The following PDE4D variants were observed in gnomAD, a reference collection of about 807,000 sequenced individuals.
PDE4D encodes the protein 3',5'-cyclic-AMP phosphodiesterase 4D.
Under a neutral mutation model 87.4 loss-of-function variants are expected in PDE4D, and 24 were observed. The ratio of observed to expected loss-of-function variants is 0.27; its 90% CI spans 0.20 to 0.39. PDE4D has a LOEUF of 0.39. Among genes scored for constraint, PDE4D ranks in the 10% least tolerant of loss-of-function variants. PDE4D has a pLI of 1.00. For synonymous variants in PDE4D, 384 were observed against 383.2 expected (o/e 1.00, Z -0.02); for missense variants, 714 against 1,041.0 (o/e 0.69, Z 4.32).
At chr5:60,451,038 G>A (rs567936712) in intron 1 of PDE4D, among the ~76,000 whole-genome samples, 1 of 152,166 alleles carries the variant, frequency 6.6e-6, no homozygotes, top group African/African-American at 2.4e-5. Flanking sequence ...ATTAAAGATA[G>A]TGCTCTGCAT....
intron 1 of PDE4D, among the ~76,000 whole-genome samples, chr5:59,694,336 C>T (rs577644581): frequency 6.6e-6 from 1 of 152,228 alleles, no homozygotes; most frequent in South Asian, 2.1e-4. Flanking sequence ...GTTAGGTCAG[C>T]TTGAAGTGAA....
intron 1 of PDE4D, among the ~76,000 whole-genome samples, chr5:59,559,435 C>T (rs143396585): frequency 5.9e-5 from 9 of 152,182 alleles, no homozygotes; most frequent in African/African-American, 2.2e-4. Context: ...ATTACATGGA[C>T]TTTGTTTAAG....
intron 2 of PDE4D, among the ~76,000 whole-genome samples, chr5:59,199,347 T>C (rs1000692486): frequency 6.6e-6 from 1 of 151,614 alleles, no homozygotes; most frequent in Non-Finnish European, 1.5e-5. Flanking sequence ...CCTGTCTCAG[T>C]CTATGGGGTG....
intron 5 of PDE4D, among the ~76,000 whole-genome samples, chr5:59,090,417 G>A (rs577798465): frequency 1.3e-5 from 2 of 152,244 alleles, no homozygotes; most frequent in Admixed American, 1.3e-4. Flanking sequence ...AGGGAGATAT[G>A]TTTCCTCCCG....
intron 2 of PDE4D, among the ~76,000 whole-genome samples, chr5:60,117,718 C>A (rs142888037): frequency 2.6e-5 from 4 of 151,928 alleles, no homozygotes; most frequent in African/African-American, 9.7e-5. Flanking sequence ...CCTTTTCTCA[C>A]CATACATGAA....
At chr5:60,330,178 A>G (rs1757191241) in intron 1 of PDE4D, among the ~76,000 whole-genome samples, 1 of 151,038 alleles carries the variant, frequency 6.6e-6, no homozygotes, top group Non-Finnish European at 1.5e-5. Flanking sequence ...TAATGCTAGA[A>G]CTTTTTTGAA....
At chr5:59,698,821 G>T (rs924039469) in intron 1 of PDE4D, among the ~76,000 whole-genome samples, 1 of 152,158 alleles carries the variant, frequency 6.6e-6, no homozygotes, top group Non-Finnish European at 1.5e-5. Flanking sequence ...CATTAGCACA[G>T]ACTATCATTA....
chr5:59,172,295 T>A (rs1783105676), intron 5 of PDE4D, among the ~76,000 whole-genome samples: 3 of 131,126 alleles, frequency 2.3e-5, no homozygotes, highest in Non-Finnish European at 4.7e-5. Context: ...TATATTTATA[T>A]AAGAAATATA....
chr5:59,785,442 T>C (rs1316526856), intron 1 of PDE4D, among the ~76,000 whole-genome samples: 1 of 152,200 alleles, frequency 6.6e-6, no homozygotes, highest in Non-Finnish European at 1.5e-5. Flanking sequence ...AATGTATTAG[T>C]GGAAAAAGCA....
chr5:59,877,621 G>A (rs950979847), intron 1 of PDE4D, among the ~76,000 whole-genome samples: 3 of 151,768 alleles, frequency 2.0e-5, no homozygotes, highest in Non-Finnish European at 2.9e-5. Flanking sequence ...TGGGCAACAC[G>A]TGAAACCTCA....
chr5:59,589,091 C>T (rs1015562833), intron 1 of PDE4D, among the ~76,000 whole-genome samples: 5 of 152,132 alleles, frequency 3.3e-5, no homozygotes, highest in Admixed American at 3.3e-4. Flanking sequence ...CTGTTACTAG[C>T]CCTGTTCTCC....
At chr5:60,244,269 A>G (rs1747453263) in intron 1 of PDE4D, among the ~76,000 whole-genome samples, 1 of 152,002 alleles carries the variant, frequency 6.6e-6, no homozygotes, top group Non-Finnish European at 1.5e-5. Context: ...TACAATGAAA[A>G]CTATAAAACA....
At chr5:59,204,316 G>A (rs1252546981) in intron 2 of PDE4D, among the ~76,000 whole-genome samples, 1 of 152,000 alleles carries the variant, frequency 6.6e-6, no homozygotes, top group Non-Finnish European at 1.5e-5. Context: ...CGCAACATAA[G>A]CAAAAAATAA....
chr5:59,410,583 T>G (rs1304850603), intron 1 of PDE4D, among the ~76,000 whole-genome samples: 4 of 152,128 alleles, frequency 2.6e-5, no homozygotes, highest in Non-Finnish European at 5.9e-5. Flanking sequence ...CAAAAATTAG[T>G]GAGGACATAT....
At chr5:59,195,400 A>T (rs1745248315) in intron 2 of PDE4D, among the ~76,000 whole-genome samples, 2 of 152,206 alleles carry the variant, frequency 1.3e-5, no homozygotes, top group South Asian at 4.1e-4. Flanking sequence ...GCAGAGAGGG[A>T]TGAAGCCAAG....
chr5:59,160,973 G>C (rs1233054972), intron 5 of PDE4D, among the ~76,000 whole-genome samples: 1 of 152,122 alleles, frequency 6.6e-6, no homozygotes, highest in Non-Finnish European at 1.5e-5. Context: ...ACGTGTGCCT[G>C]TAATCCCAGC....
chr5:60,252,263 G>A (rs987123119), intron 1 of PDE4D, among the ~76,000 whole-genome samples: 3 of 151,854 alleles, frequency 2.0e-5, no homozygotes, highest in South Asian at 2.1e-4. Context: ...ATACATGGGG[G>A]TGGAGAATTT....
At chr5:60,034,689 A>G (rs998537901) in intron 2 of PDE4D, among the ~76,000 whole-genome samples, 1 of 152,170 alleles carries the variant, frequency 6.6e-6, no homozygotes, top group East Asian at 1.9e-4. Context: ...TATTCAGACT[A>G]CCACAGGCAG....
chr5:60,097,265 T>TTGTG (rs57591657), intron 2 of PDE4D, among the ~76,000 whole-genome samples: 19 of 146,480 alleles, frequency 1.3e-4, no homozygotes, highest in South Asian at 2.2e-4. Flanking sequence ...TGCTATGAAG[T>TTGTG]TGTGTGTGTG....
Sources: gnomAD v4.1 joint callset for allele counts (sites outside exome capture counted in the v4.1 genomes callset) on GRCh38, gnomAD v4.1.1 for gene constraint, MANE v1.5 for transcripts, NCBI Gene and HGNC (gene_info 2026-07-23, HGNC 2026-07-21) for gene names.